The following MSI1 variants were observed in gnomAD, a reference collection of about 807,000 sequenced individuals.
MSI1 encodes RNA-binding protein Musashi homolog 1.
In MSI1, 15 loss-of-function variants were observed where a neutral mutation model predicts 54.4. The observed-to-expected ratio is 0.28, with a 90% CI of 0.18 to 0.42. The LOEUF (loss-of-function observed/expected upper bound fraction) is 0.42. MSI1 is among the 20% of genes least tolerant of loss of function. The pLI is 1.00. For missense variants in MSI1, 304 were observed against 506.0 expected, an observed-to-expected ratio of 0.60 and a Z score of 3.83; for synonymous variants, 200 against 196.5, an observed-to-expected ratio of 1.02 and a Z score of -0.15.
At chr12:120,348,041 T>A (rs1874284005) in intron 11 of MSI1, among the ~76,000 whole-genome samples, 1 of 152,124 alleles carries the variant, frequency 6.6e-6, no homozygotes, top group Non-Finnish European at 1.5e-5. Flanking sequence ...ACCGAGGCCA[T>A]AGCGTTGCAC....
intron 12 of MSI1, among the ~76,000 whole-genome samples, chr12:120,347,005 A>C (rs1048291385): frequency 6.6e-6 from 1 of 151,570 alleles, no homozygotes. Flanking sequence ...GCTGGAGTGC[A>C]GTGACGTGAT....
chr12:120,361,791 C>T (rs1875672269), intron 6 of MSI1, among the ~76,000 whole-genome samples: 1 of 151,782 alleles, frequency 6.6e-6, no homozygotes, highest in African/African-American at 2.4e-5. Context: ...GCAGCCTATT[C>T]TCCGGCTCCC....
intron 7 of MSI1, 149 bp downstream of exon 7, chr12:120,358,856 C>T: frequency 1.1e-6 from 1 of 914,548 alleles, no homozygotes. Flanking sequence ...AATGGTGGGA[C>T]AAAAGCCTTC....
chr12:120,368,269 C>G lies in MSI1; in HGVS notation c.105G>C (p.Gly35=), dbSNP rs1413333528. The change falls in exon 3 of 15, where the codon GGG becomes GGC. Residue 35 remains glycine (G), a synonymous_variant. Coordinates refer to ENST00000257552, the MANE Select transcript of MSI1 (RefSeq NM_002442.4). The surrounding 1 kb of genome is among the most constrained non-coding windows in gnomAD (Gnocchi z 6.6). ...CGAACTGGCCGAAGTATTCGCGCAG[C>G]CCTTCTGTAACCACACACCCGCCTT... The part of the protein sequence containing the change: ...GGLSWQTTQE[G]LREYFGQFGE... 6.4e-7 allele frequency: 1 copy of G among 1,571,284 alleles called. No individual in the cohort carries two copies. The highest frequency in any genetic ancestry group is 1.4e-5 in the African/African-American group (1 of 74,054).
At chr12:120,345,522 A>G (rs1874035934) in intron 14 of MSI1, 48 bp downstream of exon 14, 2 of 1,562,236 alleles carry the variant, frequency 1.3e-6, no homozygotes, top group African/African-American at 1.4e-5. Flanking sequence ...GGCCCAGGAC[A>G]GGCTTCCCCA....
chr12:120,351,898 C>T (rs571271086), intron 10 of MSI1, among the ~76,000 whole-genome samples: 22 of 151,082 alleles, frequency 1.5e-4, no homozygotes, highest in South Asian at 4.2e-4. Flanking sequence ...TTAGTAGAGA[C>T]GGGGTTTCAC....
In MSI1 at chr12:120,342,408, A is replaced by G. The variant is rs1472496333; in HGVS notation, c.*719T>C. 19 of 152,500 alleles carry G rather than the reference A, an allele frequency of 1.2e-4. No individual in the cohort carries two copies. 9.4% of individuals were successfully genotyped at this position (152,500 alleles called of 1,614,324 possible). ...GAGCCCCTCACCCCCGAGGGGTCTT[A>G]GAGAGGGGTGGGCACATCACCTCAC... On this transcript the variant is annotated 3_prime_UTR_variant, in exon 15 of 15. Transcript: ENST00000257552.
Position 120,346,156 on chromosome 12 carries a change from G to A in MSI1, c.1026C>T (p.Thr342=), listed in dbSNP as rs752518856. Residue 342 remains threonine, a synonymous_variant, in exon 13 of 15, where the codon ACC becomes ACT. Coordinates refer to ENST00000257552, the MANE Select transcript of MSI1 (RefSeq NM_002442.4). ...TCACCCCAAGACTGTGGCCGAAGCCGGTGCTGGGGGCAGGGCTGGCGGCGC... is the reference window on the plus strand; with the variant it reads ...TCACCCCAAGACTGTGGCCGAAGCCAGTGCTGGGGGCAGGGCTGGCGGCGC... ...YISAASPAPS[T]GFGHSLGGPL... is the part of the protein sequence containing the mutation. 14 of 1,590,024 alleles carry A rather than the reference G, an allele frequency of 8.8e-6. No individual in the cohort carries two copies. Among genetic ancestry groups the A allele is most frequent in the East Asian group, 4.5e-5 (2 of 43,958 alleles).
Position 120,347,501 on chromosome 12 carries a change from A to G in MSI1, c.804T>C (p.Thr268=). 2 of 1,614,074 alleles carry G rather than the reference A, an allele frequency of 1.2e-6. No homozygotes were observed. Among genetic ancestry groups the G allele is most frequent in the South Asian group, 2.2e-5 (2 of 91,082 alleles). ...VLPELTAIPL[T]AYGPMAAAAA... is the part of the protein sequence containing the mutation. ...CTGCCGCCGCCATTGGTCCGTAGGC[A>G]GTGAGAGGAATGGCTGAAAGGAAAG... Residue 268 remains threonine, a synonymous_variant, in exon 12 of 15, where the codon ACT becomes ACC. Transcript: ENST00000257552.
intron 11 of MSI1, among the ~76,000 whole-genome samples, chr12:120,350,197 T>A (rs1874476756): frequency 6.6e-6 from 1 of 152,164 alleles, no homozygotes; most frequent in Admixed American, 6.5e-5. Context: ...GCTAGTTTTT[T>A]ATTTTTTTTA....
chr12:120,347,341 C>T lies in MSI1; in HGVS notation c.859+105G>A, dbSNP rs1368292679. The stretch of plus-strand genomic sequence containing the variant: ...ATCAGGTGATACTTGAGTGAATGAA[C>T]AAGTGTCCCTCTGCAAAGGGGTGGC... On this transcript the variant is annotated intron_variant, in intron 12 of 14. Transcript: ENST00000257552. 3.8e-6 allele frequency: 5 copies of T among 1,308,912 alleles called. No homozygotes were observed. In the African/African-American group the frequency reaches 7.2e-5, roughly 19 times the overall value. 81.1% of individuals were successfully genotyped at this position (1,308,912 alleles called of 1,614,324 possible).
At chr12:120,363,243 GC>G in intron 5 of MSI1, 108 bp from the exon 6 acceptor site, 1 of 877,944 alleles carries the variant, frequency 1.1e-6, no homozygotes. Flanking sequence ...GCTCTCTGTG[GC>G]CCCAGCCTCT....
intron 4 of MSI1, among the ~76,000 whole-genome samples, chr12:120,367,087 A>G (rs1876063538): frequency 6.6e-6 from 1 of 152,112 alleles, no homozygotes; most frequent in South Asian, 2.1e-4. Context: ...GGGCAGAGAT[A>G]ACAGGAGCTG....
intron 7 of MSI1, 44 bp from the exon 8 acceptor site, chr12:120,357,942 G>T (rs201928414): frequency 1.3e-6 from 2 of 1,578,860 alleles, no homozygotes; most frequent in Admixed American, 1.7e-5. Context: ...GAACCAGAGC[G>T]CAGGGTCAAA....
downstream of MSI1, among the ~76,000 whole-genome samples, chr12:120,339,687 A>T (rs1565878861): frequency 1.3e-5 from 2 of 151,418 alleles, no homozygotes; most frequent in African/African-American, 2.4e-5. Context: ...TGAGTGAAAG[A>T]CCCCCAACCT....
intron 11 of MSI1, among the ~76,000 whole-genome samples, chr12:120,350,749 A>T (rs1035950723): frequency 6.6e-6 from 1 of 152,136 alleles, no homozygotes; most frequent in African/African-American, 2.4e-5. Flanking sequence ...CCTTCACCCC[A>T]CTTGTCCAGA....
rs770865535 is a variant in MSI1, at chr12:120,342,252, GTT to G, written c.*873_*874del. The G allele has an allele frequency of 2.0e-5, 3 of 152,792 alleles. No individual in the cohort carries two copies. Among genetic ancestry groups the G allele is most frequent in the Non-Finnish European group, 4.4e-5 (3 of 68,186 alleles). The allele number at this position is 152,792 out of a possible 1,614,324, so 9.5% of individuals were successfully genotyped here. ...CCCACGCCCTTTGCCCCCACACTGG[GTT>G]TTTGGAGTGGGCAGGTCCAACCAAG... is the stretch of plus-strand genomic sequence containing the variant. On this transcript the variant is annotated 3_prime_UTR_variant, in exon 15 of 15. Coordinates refer to ENST00000257552, the MANE Select transcript of MSI1 (RefSeq NM_002442.4).
Position 120,351,416 on chromosome 12 carries a change from A to C in MSI1, c.734-16T>G. ...ACACGGAATTCTAAAATGAAACGTAAAACAGCTTAGGAAGAAGCAGGGGAG... is the reference window on the plus strand; with the variant it reads ...ACACGGAATTCTAAAATGAAACGTACAACAGCTTAGGAAGAAGCAGGGGAG... On this transcript the variant is annotated splice_polypyrimidine_tract_variant and intron_variant, in intron 10 of 14. Transcript: ENST00000257552. The C allele has an allele frequency of 6.2e-7, 1 of 1,612,964 alleles. No homozygotes were observed. Among genetic ancestry groups the C allele is most frequent in the South Asian group, 1.1e-5 (1 of 90,858 alleles).
rs1039248850 is a variant in MSI1 at position 120,342,730 on chromosome 12, G to C, written c.*397C>G. The C allele has an allele frequency of 1.3e-5, 2 of 150,412 alleles. No homozygotes were observed. The highest frequency in any genetic ancestry group is 4.9e-5 in the African/African-American group (2 of 40,882). The allele number at this position is 150,412 out of a possible 1,614,324, so 9.3% of individuals were successfully genotyped here. A position where few individuals can be genotyped will look rare whatever the true frequency, so the allele number is the denominator to read the frequency against. ...AAAAACAGGGGTTGGGCTGCGGCCT[G>C]TAGCAGGCTCCCTCCGCCTTCACTC... On this transcript the variant is annotated 3_prime_UTR_variant, in exon 15 of 15. Coordinates refer to ENST00000257552, the MANE Select transcript of MSI1 (RefSeq NM_002442.4).
Sources: allele counts gnomAD v4.1 joint callset (sites outside exome capture counted in the v4.1 genomes callset), GRCh38; gene constraint gnomAD v4.1.1; non-coding constraint Gnocchi (gnomAD v3.1); transcripts MANE v1.5; gene names NCBI Gene and HGNC (gene_info 2026-07-23, HGNC 2026-07-21).